SDK1: variants seen among roughly 807,000 people sequenced by gnomAD.
SDK1 encodes protein sidekick-1.
In SDK1, 157 loss-of-function variants were observed where a neutral mutation model predicts 245.5. The ratio of observed to expected loss-of-function variants is 0.64; its 90% CI spans 0.56 to 0.73. The LOEUF is 0.73. SDK1 is among the 30% of genes least tolerant of loss of function. The pLI is 0.00. For synonymous variants in SDK1, 1,647 were observed against 1,278.5 expected (o/e 1.29, Z -6.15); for missense variants, 3,583 against 3,002.3 (o/e 1.19, Z -4.52).
chr7:3,390,205 G>GC (rs1484156103), intron 1 of SDK1, among the ~76,000 whole-genome samples: 1 of 152,164 alleles, frequency 6.6e-6, no homozygotes, highest in Non-Finnish European at 1.5e-5. Context: ...TCAGCTTCAT[G>GC]CCGGAGGGTT....
intron 1 of SDK1, among the ~76,000 whole-genome samples, chr7:3,611,617 C>A (rs192191917): frequency 1.3e-5 from 2 of 152,264 alleles, no homozygotes; most frequent in Admixed American, 1.3e-4. Flanking sequence ...TTTAGGGAAT[C>A]TTCACACTGT....
chr7:4,171,277 C>G (rs1781821863), intron 32 of SDK1, among the ~76,000 whole-genome samples: 1 of 152,224 alleles, frequency 6.6e-6, no homozygotes, highest in Admixed American at 6.5e-5. Flanking sequence ...TCTGTGCTGG[C>G]TCACTTTCTG....
chr7:3,327,505 T>C (rs1286221618), intron 1 of SDK1, among the ~76,000 whole-genome samples: 5 of 152,156 alleles, frequency 3.3e-5, no homozygotes, highest in South Asian at 2.1e-4. Context: ...CAGGTTTTAC[T>C]TCACATACCC....
In SDK1 at chr7:4,127,436, T is replaced by G; in HGVS notation, c.3879T>G (p.Ile1293Met). The G allele has an allele frequency of 6.2e-7, 1 of 1,614,140 alleles. No homozygotes were observed. The highest frequency in any genetic ancestry group is 8.5e-7 in the Non-Finnish European group (1 of 1,180,010). ...VSAEAVSSTQ[I>M]LLTWTSVPEQ... Reference sequence around the variant, plus strand: ...CCGAGGCTGTCAGCTCGACCCAGATTTTACTGACATGGACATCCGTGCCGG... The same window carrying G: ...CCGAGGCTGTCAGCTCGACCCAGATGTTACTGACATGGACATCCGTGCCGG... Residue 1293 changes from isoleucine to methionine, a missense_variant, in exon 26 of 45, where the codon ATT (isoleucine) becomes ATG (methionine). By Grantham distance (10) the Ile-to-Met change is conservative. Coordinates refer to ENST00000404826, the MANE Select transcript of SDK1 (RefSeq NM_152744.4).
At chr7:3,635,880 A>G (rs138921663) in intron 2 of SDK1, among the ~76,000 whole-genome samples, 19 of 151,898 alleles carry the variant, frequency 1.3e-4, no homozygotes, top group Admixed American at 6.5e-4. Flanking sequence ...TAATTTTTGT[A>G]TTTTTTGTAG....
intron 1 of SDK1, among the ~76,000 whole-genome samples, chr7:3,406,818 C>T (rs927519746): frequency 2.6e-5 from 4 of 152,104 alleles, no homozygotes; most frequent in Admixed American, 6.6e-5. Flanking sequence ...CATCCATATA[C>T]ACAAAATGAA....
At chr7:4,145,939 G>T in intron 29 of SDK1, 23 bp downstream of exon 29, 1 of 1,576,044 alleles carries the variant, frequency 6.3e-7, no homozygotes, top group Non-Finnish European at 8.6e-7. Context: ...GGGACCCGGG[G>T]GTACTGCAGA....
intron 1 of SDK1, among the ~76,000 whole-genome samples, chr7:3,479,223 A>G (rs1213772866): frequency 6.6e-6 from 1 of 151,924 alleles, no homozygotes; most frequent in East Asian, 1.9e-4. Flanking sequence ...GGAGTTCGAG[A>G]CCATCCTGGC....
intron 4 of SDK1, among the ~76,000 whole-genome samples, chr7:3,791,977 A>T (rs1053371006): frequency 6.6e-6 from 1 of 151,914 alleles, no homozygotes; most frequent in African/African-American, 2.4e-5. Flanking sequence ...TGCAAAAAAA[A>T]ATTAGCCAGA....
intron 5 of SDK1, among the ~76,000 whole-genome samples, chr7:3,886,482 A>G (rs1781342221): frequency 6.6e-6 from 1 of 152,216 alleles, no homozygotes; most frequent in South Asian, 2.1e-4. Flanking sequence ...TAACACTTGG[A>G]AGTCTTTTGT....
intron 5 of SDK1, among the ~76,000 whole-genome samples, chr7:3,884,700 C>A (rs981397236): frequency 6.6e-6 from 1 of 152,194 alleles, no homozygotes; most frequent in African/African-American, 2.4e-5. Context: ...CCCTCCAGCT[C>A]CAGCTCCCAG....
At chr7:3,873,456 G>A (rs1200427942) in intron 5 of SDK1, among the ~76,000 whole-genome samples, 1 of 152,058 alleles carries the variant, frequency 6.6e-6, no homozygotes, top group Non-Finnish European at 1.5e-5. Context: ...GCTGCTTGAT[G>A]TCCTCTAAGC....
intron 4 of SDK1, among the ~76,000 whole-genome samples, chr7:3,811,834 T>C (rs1472537953): frequency 6.6e-6 from 1 of 152,238 alleles, no homozygotes; most frequent in Non-Finnish European, 1.5e-5. Context: ...TAATACCTTG[T>C]AGGCTAGAGA....
intron 5 of SDK1, among the ~76,000 whole-genome samples, chr7:3,947,597 A>G (rs1277318267): frequency 6.7e-6 from 1 of 150,116 alleles, no homozygotes; most frequent in Non-Finnish European, 1.5e-5. Flanking sequence ...GGGTTTCACT[A>G]TGTATATCTT....
intron 5 of SDK1, among the ~76,000 whole-genome samples, chr7:3,870,900 T>C (rs1341077947): frequency 1.3e-5 from 2 of 152,208 alleles, no homozygotes; most frequent in African/African-American, 4.8e-5. Context: ...CTTCCTTGTT[T>C]TTTATGACCT....
At chr7:3,574,439 G>A (rs1418630665) in intron 1 of SDK1, among the ~76,000 whole-genome samples, 2 of 151,972 alleles carry the variant, frequency 1.3e-5, no homozygotes, top group South Asian at 2.1e-4. Context: ...TGACCCTGTG[G>A]TGTGAAGTTG....
chr7:4,258,309 C>T (rs1401545493), intron 44 of SDK1, among the ~76,000 whole-genome samples: 3 of 152,152 alleles, frequency 2.0e-5, no homozygotes, highest in Non-Finnish European at 2.9e-5. Context: ...CAGTGTGAAC[C>T]CTGCTTCCCT....
chr7:3,603,473 G>A (rs1252806394), intron 1 of SDK1, among the ~76,000 whole-genome samples: 1 of 151,170 alleles, frequency 6.6e-6, no homozygotes, highest in Non-Finnish European at 1.5e-5. Flanking sequence ...TCATGATTTG[G>A]CTCTCTGTTT....
At chr7:4,210,328 G>A (rs1443065623) in intron 38 of SDK1, among the ~76,000 whole-genome samples, 166 bp downstream of exon 38, 3 of 152,182 alleles carry the variant, frequency 2.0e-5, no homozygotes, top group South Asian at 2.1e-4. Flanking sequence ...AGCTGAGTGC[G>A]AGGGGAGCGG....
Sources: gnomAD v4.1 joint callset for allele counts (sites outside exome capture counted in the v4.1 genomes callset) on GRCh38, gnomAD v4.1.1 for gene constraint, MANE v1.5 for transcripts, NCBI Gene and HGNC (gene_info 2026-07-23, HGNC 2026-07-21) for gene names.